Variants in METTL21C observed in about 807,000 individuals in gnomAD.
METTL21C encodes the protein protein-lysine methyltransferase METTL21C.
Under a neutral mutation model 25.9 loss-of-function variants are expected in METTL21C, and 21 were observed. That is an observed-to-expected ratio of 0.81 (90% CI 0.58 to 1.17). The LOEUF (loss-of-function observed/expected upper bound fraction) is 1.17. METTL21C is among the 50% of genes most tolerant of loss of function. The pLI is 0.00. For missense variants in METTL21C, 312 were observed against 315.1 expected, an observed-to-expected ratio of 0.99 and a Z score of 0.07; for synonymous variants, 125 against 124.7, an observed-to-expected ratio of 1.00 and a Z score of -0.01.
chr13:102,692,215 A>C (rs1403270677), intron 1 of METTL21C, among the ~76,000 whole-genome samples: 2 of 152,188 alleles, frequency 1.3e-5, no homozygotes, highest in African/African-American at 4.8e-5. Context: ...TCAAGGTGGA[A>C]GGCAGGAGGA....
chr13:102,697,429 C>T (rs572527192), upstream of METTL21C, among the ~76,000 whole-genome samples: 12 of 152,232 alleles, frequency 7.9e-5, no homozygotes, highest in Admixed American at 7.2e-4. Flanking sequence ...CCCCGCACAG[C>T]AAAGAATTAC....
chr13:102,698,107 T>C (rs1474051046), upstream of METTL21C, among the ~76,000 whole-genome samples: 1 of 152,174 alleles, frequency 6.6e-6, no homozygotes, highest in Non-Finnish European at 1.5e-5. Context: ...AAATTTTATA[T>C]ATCTGAAAGA....
At chr13:102,686,449 C>T (rs745500770) in intron 3 of METTL21C, 24 bp from the exon 4 acceptor site, 3 of 1,589,368 alleles carry the variant, frequency 1.9e-6, no homozygotes, top group South Asian at 1.2e-5. Context: ...AAAACAATGA[C>T]CTGGAAACAT....
At chr13:102,703,051 T>C in the METTL21C span, among the ~76,000 whole-genome samples, 1 of 152,224 alleles carries the variant, frequency 6.6e-6, no homozygotes, top group East Asian at 1.9e-4. Context: ...TTCCCTGTAA[T>C]TGATGGAGAG....
Position 102,686,269 on chromosome 13 carries a change from T to G in METTL21C, c.557A>C (p.Tyr186Ser). 1 of 1,614,208 alleles carries G rather than the reference T, an allele frequency of 6.2e-7. No homozygotes were observed. Among genetic ancestry groups the G allele is most frequent in the Non-Finnish European group, 8.5e-7 (1 of 1,180,022 alleles). Reference protein sequence around the residue: ...LDKNFPKSAFYYDYVLASDVV... With the variant: ...LDKNFPKSAFSYDYVLASDVV... Reference sequence around the variant, plus strand: ...ATCTGAGGCTAGGACGTAATCATAGTAAAAAGCTGACTTGGGAAAGTTTTT... The same window carrying G: ...ATCTGAGGCTAGGACGTAATCATAGGAAAAAGCTGACTTGGGAAAGTTTTT... Residue 186 changes from tyrosine to serine, a missense_variant, in exon 4 of 4, where the codon TAC becomes TCC. By Grantham distance (144) the Tyr-to-Ser change is moderately radical. Coordinates refer to ENST00000267273, the MANE Select transcript of METTL21C (RefSeq NM_001010977.3).
At chr13:102,694,323 GA>G in intron 1 of METTL21C, 45 bp downstream of exon 1, 2 of 1,575,742 alleles carry the variant, frequency 1.3e-6, no homozygotes, top group Non-Finnish European at 8.6e-7. Flanking sequence ...TCATCGCCAG[GA>G]AAACAACTGA....
At chr13:102,697,216 TCTGTCAGGATGGGCA>T (rs149684451), upstream of METTL21C, among the ~76,000 whole-genome samples, 2 of 152,276 alleles carry the variant, frequency 1.3e-5, no homozygotes, top group African/African-American at 4.8e-5. Context: ...CTCGCCTCTC[TCTGTCAGGATGGGCA>T]CTGCCTTTTT....
chr13:102,703,591 C>T, the METTL21C span, among the ~76,000 whole-genome samples: 3 of 152,332 alleles, frequency 2.0e-5, no homozygotes, highest in South Asian at 6.2e-4. Context: ...AAACATTATT[C>T]AGCGACGCTC....
chr13:102,687,085 G>A, intron 2 of METTL21C, 28 bp from the exon 3 acceptor site: 1 of 1,566,614 alleles, frequency 6.4e-7, no homozygotes, highest in South Asian at 1.1e-5. Context: ...CTTTTCATGT[G>A]GGCATTGGAA....
At chr13:102,701,491 C>T in the METTL21C span, among the ~76,000 whole-genome samples, 2 of 152,200 alleles carry the variant, frequency 1.3e-5, no homozygotes, top group African/African-American at 4.8e-5. Context: ...TGCACCTTCT[C>T]ACGGACAACC....
chr13:102,703,092 G>A, the METTL21C span, among the ~76,000 whole-genome samples: 1 of 152,190 alleles, frequency 6.6e-6, no homozygotes. Flanking sequence ...TCATTGCAGT[G>A]GGATAGAGGT....
At position 102,686,992 on chromosome 13, in the gene METTL21C, T is replaced by C; in HGVS notation, c.348A>G (p.Ile116Met). 6.2e-7 allele frequency: 1 copy of C among 1,614,170 alleles called. No individual in the cohort carries two copies. The highest frequency in any genetic ancestry group is 8.5e-7 in the Non-Finnish European group (1 of 1,180,010). ...GGCCTGGTCCGGCACCAATTTCAAG[T>C]ATTTTTGCATCTTGGAAATTCAATT... ...AEELNFQDAK[I>M]LEIGAGPGLV... is the part of the protein sequence containing the mutation. The change falls in exon 3 of 4, where the codon ATA (isoleucine) becomes ATG (methionine). Residue 116 changes from isoleucine to methionine, a missense_variant. Physicochemically the swap from Ile to Met is conservative, Grantham distance 10. Transcript: ENST00000267273.
chr13:102,701,304 G>T, the METTL21C span, among the ~76,000 whole-genome samples: 10 of 152,036 alleles, frequency 6.6e-5, no homozygotes, highest in African/African-American at 1.9e-4. Flanking sequence ...CAGCTCTGGG[G>T]TTCTGTTTCC....
At position 102,694,440 on chromosome 13, in the gene METTL21C, G is replaced by A. The variant is rs781253928; in HGVS notation, c.59C>T (p.Ser20Phe). ...CTCAGCCTCTAACCAGCCACCCGGG[G>A]AGCTGAGTCCTTCCCCCCGGCGCCC... ...QPGRRGEGLS[S>F]PGGWLEAEKK... Residue 20 changes from serine (S) to phenylalanine (F), a missense_variant, in exon 1 of 4, where the codon TCC becomes TTC. By Grantham distance (155) the Ser-to-Phe change is radical. Transcript: ENST00000267273. 6.8e-7 allele frequency: 1 copy of A among 1,464,300 alleles called. No individual in the cohort carries two copies. The highest frequency in any genetic ancestry group is 2.2e-5 in the Admixed American group (1 of 45,386). 90.7% of individuals were successfully genotyped at this position (1,464,300 alleles called of 1,614,324 possible).
chr13:102,695,614 C>G (rs1885934573), upstream of METTL21C, among the ~76,000 whole-genome samples: 1 of 152,134 alleles, frequency 6.6e-6, no homozygotes, highest in Admixed American at 6.6e-5. Flanking sequence ...TCTGGTGTCA[C>G]TATTTTGTGT....
chr13:102,686,934 A>G lies in METTL21C; in HGVS notation c.400+6T>C, dbSNP rs746934963. 2 of 1,608,276 alleles carry G rather than the reference A, an allele frequency of 1.2e-6. No individual in the cohort carries two copies. Among genetic ancestry groups the G allele is most frequent in the East Asian group, 2.2e-5 (1 of 44,856 alleles). On this transcript the variant is annotated splice_donor_region_variant and intron_variant, in intron 3 of 3. Coordinates refer to ENST00000267273, the MANE Select transcript of METTL21C (RefSeq NM_001010977.3). ...TGGATACTAGGTCAGGAATAAACAA[A>G]CAAACCTAAAATACTGGCCACAATG... is the stretch of plus-strand genomic sequence containing the variant.
At chr13:102,703,783 C>T in the METTL21C span, among the ~76,000 whole-genome samples, 1 of 152,184 alleles carries the variant, frequency 6.6e-6, no homozygotes, top group South Asian at 2.1e-4. Flanking sequence ...CTGAGTCAGG[C>T]AAGCAGGCAG....
chr13:102,696,612 C>G (rs552596006), upstream of METTL21C, among the ~76,000 whole-genome samples: 4 of 152,280 alleles, frequency 2.6e-5, no homozygotes, highest in African/African-American at 4.8e-5. Flanking sequence ...CATCAGAGCT[C>G]TATTGCCTGG....
upstream of METTL21C, among the ~76,000 whole-genome samples, chr13:102,696,081 T>C (rs1349833554): frequency 6.6e-6 from 1 of 152,134 alleles, no homozygotes; most frequent in Non-Finnish European, 1.5e-5. Context: ...TGTATCAACT[T>C]CTAGGCTTAT....
Sources: allele counts gnomAD v4.1 joint callset (sites outside exome capture counted in the v4.1 genomes callset), GRCh38; gene constraint gnomAD v4.1.1; transcripts MANE v1.5; gene names NCBI Gene and HGNC (gene_info 2026-07-23, HGNC 2026-07-21).